PARP6: variants seen among roughly 807,000 people sequenced by gnomAD.
PARP6 encodes the protein protein mono-ADP-ribosyltransferase PARP6.
In PARP6, 27 loss-of-function variants were observed where a neutral mutation model predicts 92.0. The observed-to-expected ratio is 0.29, with a 90% CI of 0.22 to 0.40. The LOEUF (loss-of-function observed/expected upper bound fraction) is 0.40, where lower values mean the gene tolerates loss of function less well. PARP6 is among the 10% of genes least tolerant of loss of function. The pLI, the probability that PARP6 is intolerant of heterozygous loss-of-function variation, is 1.00. For missense variants in PARP6, 501 were observed against 784.5 expected, an observed-to-expected ratio of 0.64 and a Z score of 4.32; for synonymous variants, 272 against 281.2, an observed-to-expected ratio of 0.97 and a Z score of 0.33.
chr15:72,263,331 A>C (rs149359978), intron 8 of PARP6, among the ~76,000 whole-genome samples: 24 of 152,304 alleles, frequency 1.6e-4, no homozygotes, highest in African/African-American at 5.5e-4. Context: ...ATTCTCACCT[A>C]TAATCACACT....
At chr15:72,269,290 A>G (rs987335594) in intron 2 of PARP6, among the ~76,000 whole-genome samples, 3 of 152,018 alleles carry the variant, frequency 2.0e-5, no homozygotes, top group African/African-American at 7.2e-5. Flanking sequence ...CCTCCCACGT[A>G]GCTGGGATTA....
chr15:72,254,283 CAG>C (rs1567193213), intron 15 of PARP6, among the ~76,000 whole-genome samples, 170 bp downstream of exon 15: 1 of 151,934 alleles, frequency 6.6e-6, no homozygotes, highest in East Asian at 1.9e-4. Context: ...AGAGGAGTAA[CAG>C]AGCTAACAAA....
At chr15:72,271,757 C>T (rs2087464606) in intron 1 of PARP6, among the ~76,000 whole-genome samples, 1 of 152,148 alleles carries the variant, frequency 6.6e-6, no homozygotes, top group African/African-American at 2.4e-5. Flanking sequence ...AGAATGGGCC[C>T]TTTCAAAAGA....
At chr15:72,256,851 C>T (rs1183558533) in intron 13 of PARP6, among the ~76,000 whole-genome samples, 3 of 152,136 alleles carry the variant, frequency 2.0e-5, no homozygotes, top group Admixed American at 2.0e-4. Flanking sequence ...AGATAATTTT[C>T]CTACGGAAAT....
Position 72,265,991 on chromosome 15 carries a change from C to T in PARP6, c.82G>A (p.Gly28Arg). 1.9e-6 allele frequency: 3 copies of T among 1,607,870 alleles called. No homozygotes were observed. Residue 28 changes from glycine (G) to arginine (R), a missense_variant and splice_region_variant, in exon 5 of 24, where the codon GGG becomes AGG. This residue lies in a region of PARP6 where 291 missense variants were observed against 352.0 expected (regional missense o/e 0.83). Coordinates refer to ENST00000569795, the MANE Select transcript of PARP6 (RefSeq NM_001323532.2). Reference protein sequence around the residue: ...ESEEFLYGVQGSCAADLYRHP... With the variant: ...ESEEFLYGVQRSCAADLYRHP... ...CGATACAGGTCAGCTGCACAGCTCC[C>T]CTGAGATAGCAGCAAAAATGGTGGT...
At chr15:72,247,778 CTT>C (rs1468910537) in intron 20 of PARP6, among the ~76,000 whole-genome samples, 5 of 149,808 alleles carry the variant, frequency 3.3e-5, no homozygotes, top group East Asian at 1.9e-4. Flanking sequence ...AGGTAACTCT[CTT>C]ATTACTTTTT....
intron 20 of PARP6, among the ~76,000 whole-genome samples, chr15:72,246,274 C>T (rs1480887896): frequency 1.3e-5 from 2 of 151,938 alleles, no homozygotes; most frequent in African/African-American, 4.8e-5. Flanking sequence ...CTCAGCCTCC[C>T]GAGTAGCTGG....
In PARP6 at chr15:72,242,045, G is replaced by T; in HGVS notation, c.1706-60C>A. On this transcript the variant is annotated intron_variant, in intron 22 of 23. Transcript: ENST00000569795. The surrounding 1 kb of genome is among the most constrained non-coding windows in gnomAD (Gnocchi z 4.3). ...TGCTTAAGGCACAGAGTCCAGGCAG[G>T]AGAAGGAAGCCATGCCACTTCAACA... is the stretch of plus-strand genomic sequence containing the variant. 6.8e-7 allele frequency: 1 copy of T among 1,478,008 alleles called. No homozygotes were observed. The highest frequency in any genetic ancestry group is 9.5e-7 in the Non-Finnish European group (1 of 1,055,916). The allele number at this position is 1,478,008 out of a possible 1,614,324, so 91.6% of individuals were successfully genotyped here. A position where few individuals can be genotyped will look rare whatever the true frequency, so the allele number is the denominator to read the frequency against.
Position 72,250,881 on chromosome 15 carries a change from G to T in PARP6, c.1382C>A (p.Thr461Asn), listed in dbSNP as rs763872161. The change falls in exon 18 of 24, where the codon ACC (threonine) becomes AAC (asparagine). Residue 461 changes from threonine (T) to asparagine (N), a missense_variant. Thr to Asn is a moderately conservative substitution (Grantham distance 65). Transcript: ENST00000569795. ...SPPAKEARFR[T>N]AKKLYGSTFA... ...GGTGCTGCCATAGAGCTTCTTGGCG[G>T]TCCGGAACCGAGCCTCCTTGGCAGG... is the stretch of plus-strand genomic sequence containing the variant. 7.4e-6 allele frequency: 12 copies of T among 1,613,350 alleles called. No individual in the cohort carries two copies. The African/African-American group carries it at 1.2e-4, about 16-fold the overall frequency.
chr15:72,254,039 G>A (rs1471292183), intron 15 of PARP6: 1 of 463,270 alleles, frequency 2.2e-6, no homozygotes, highest in South Asian at 1.5e-5. Context: ...TGAGTCAAAG[G>A]ATGGTCACCG....
At chr15:72,251,612 GA>G (rs2084367105) in intron 16 of PARP6, among the ~76,000 whole-genome samples, 3 of 152,144 alleles carry the variant, frequency 2.0e-5, no homozygotes, top group Non-Finnish European at 4.4e-5. Context: ...AAAACAGCAA[GA>G]GGTCTGAATT....
chr15:72,251,374 C>T, intron 16 of PARP6, 119 bp from the exon 17 acceptor site: 1 of 613,214 alleles, frequency 1.6e-6, no homozygotes. Flanking sequence ...CTGGGCTGTC[C>T]AAATTGTGTG....
chr15:72,257,910 A>G (rs2085338056), intron 12 of PARP6, 127 bp downstream of exon 12: 1 of 690,686 alleles, frequency 1.4e-6, no homozygotes, highest in South Asian at 1.7e-5. Flanking sequence ...AAAAATCAAC[A>G]ATTTCTAGAG....
At chr15:72,264,452 G>T in intron 8 of PARP6, 103 bp downstream of exon 8, 2 of 826,734 alleles carry the variant, frequency 2.4e-6, no homozygotes, top group Non-Finnish European at 3.9e-6. Flanking sequence ...AGACATTTTT[G>T]GAAGGGGGCA....
intron 20 of PARP6, chr15:72,243,616 T>G (rs1380237540): frequency 6.6e-6 from 1 of 152,216 alleles, no homozygotes; most frequent in Non-Finnish European, 1.5e-5. Context: ...CTTGGACTTT[T>G]CTTATTTAGA....
At position 72,251,216 on chromosome 15, in the gene PARP6, A is replaced by G; in HGVS notation, c.1299T>C (p.Pro433=). 2 of 1,594,670 alleles carry G rather than the reference A, an allele frequency of 1.3e-6. No homozygotes were observed. The highest frequency in any genetic ancestry group is 1.7e-6 in the Non-Finnish European group (2 of 1,162,240). The change falls in exon 17 of 24, where the codon CCT becomes CCC. Residue 433 remains proline, a synonymous_variant. Coordinates refer to ENST00000569795, the MANE Select transcript of PARP6 (RefSeq NM_001323532.2). The stretch of plus-strand genomic sequence containing the variant: ...GAGAATGGTCACTTACCCTGCTGAG[A>G]GGTAGTTTGACAATGTGTGACCTGT... ...SSNRSHIVKL[P]LSRLKFMHTS...
chr15:72,260,429 C>T lies in PARP6; in HGVS notation c.756+49G>A. 3 of 1,468,774 alleles carry T rather than the reference C, an allele frequency of 2.0e-6. No homozygotes were observed. The South Asian group carries it at 3.5e-5, about 17-fold the overall frequency. 91.0% of individuals were successfully genotyped at this position (1,468,774 alleles called of 1,614,324 possible). A position where few individuals can be genotyped will look rare whatever the true frequency, so the allele number is the denominator to read the frequency against. On this transcript the variant is annotated intron_variant, in intron 10 of 23. Transcript: ENST00000569795. ...TTGAGAAACTACACTCCCACAGTTC[C>T]ACTCCCACCCTCCTGATAGCCAAGT...
At position 72,251,200 on chromosome 15, in the gene PARP6, C is replaced by A; in HGVS notation, c.1308+7G>T. The A allele has an allele frequency of 1.9e-6, 3 of 1,573,892 alleles. No homozygotes were observed. The South Asian group carries it at 3.3e-5, about 17-fold the overall frequency. On this transcript the variant is annotated splice_region_variant and intron_variant, in intron 17 of 23. Coordinates refer to ENST00000569795, the MANE Select transcript of PARP6 (RefSeq NM_001323532.2). ...TTAAAGCATTTAGAGGGAGAATGGT[C>A]ACTTACCCTGCTGAGAGGTAGTTTG...
intron 20 of PARP6, among the ~76,000 whole-genome samples, chr15:72,247,470 CAGA>C (rs1442630555): frequency 1.3e-5 from 2 of 152,152 alleles, no homozygotes; most frequent in African/African-American, 4.8e-5. Flanking sequence ...TGTGCCCAGC[CAGA>C]AGTTTTTAAT....
Sources: allele counts gnomAD v4.1 joint callset (sites outside exome capture counted in the v4.1 genomes callset), GRCh38; gene constraint gnomAD v4.1.1; regional missense constraint gnomAD v4.1.1; non-coding constraint Gnocchi (gnomAD v3.1); transcripts MANE v1.5; gene names NCBI Gene and HGNC (gene_info 2026-07-23, HGNC 2026-07-21).